Variants in RBM25 observed in about 807,000 individuals in gnomAD.
RBM25 encodes the protein RNA binding motif protein 25, also known as RNA-binding protein 25.
A neutral mutation model predicts 120.7 loss-of-function variants in RBM25; 19 were observed. The observed-to-expected ratio is 0.16, with a 90% CI of 0.11 to 0.23. The LOEUF is 0.23. Among genes scored for constraint, RBM25 ranks in the 10% least tolerant of loss-of-function variants. The probability of loss-of-function intolerance (pLI) is 1.00; values close to 1 mark genes in which losing one functional copy is unlikely to be tolerated. For missense variants in RBM25, 605 were observed against 1,041.5 expected (o/e 0.58, Z 5.77); for synonymous variants, 390 against 326.7 (o/e 1.19, Z -2.09).
intron 1 of RBM25, among the ~76,000 whole-genome samples, chr14:73,070,833 G>A (rs1419760098): frequency 6.6e-6 from 1 of 150,976 alleles, no homozygotes; most frequent in Non-Finnish European, 1.5e-5. Context: ...TGTAATCCCA[G>A]CTACTCAGGA....
At position 73,121,394 on chromosome 14, in the gene RBM25, A is replaced by C. The variant is rs1441078282; in HGVS notation, c.*1589A>C. 2 of 152,628 alleles carry C rather than the reference A, an allele frequency of 1.3e-5. No individual in the cohort carries two copies. Among genetic ancestry groups the C allele is most frequent in the African/African-American group, 2.4e-5 (1 of 41,452 alleles). 9.5% of individuals were successfully genotyped at this position (152,628 alleles called of 1,614,324 possible). ...TTGTGTGGTGCATACTAGAAAAGTT[A>C]AAAATATGGGCTGAACTTTTTATGG... On this transcript the variant is annotated 3_prime_UTR_variant, in exon 19 of 19. Transcript: ENST00000261973.
intron 18 of RBM25, 127 bp from the exon 19 acceptor site, chr14:73,119,586 T>G: frequency 6.7e-7 from 1 of 1,501,084 alleles, no homozygotes; most frequent in East Asian, 2.4e-5. Flanking sequence ...CTTAAAATCT[T>G]AACTAGCATT....
chr14:73,095,120 C>G (rs940426549), intron 6 of RBM25, among the ~76,000 whole-genome samples: 2 of 152,002 alleles, frequency 1.3e-5, no homozygotes, highest in East Asian at 1.9e-4. Context: ...TCCCAAAGCG[C>G]TGGGTTGCAG....
At position 73,107,873 on chromosome 14, in the gene RBM25, T is replaced by C; in HGVS notation, c.1515T>C (p.Asp505=). 1 of 1,602,570 alleles carries C rather than the reference T, an allele frequency of 6.2e-7. No individual in the cohort carries two copies. Among genetic ancestry groups the C allele is most frequent in the Non-Finnish European group, 8.5e-7 (1 of 1,173,552 alleles). Residue 505 remains aspartate (D), a synonymous_variant, in exon 13 of 19, where the codon GAT becomes GAC. Coordinates refer to ENST00000261973, the MANE Select transcript of RBM25 (RefSeq NM_021239.3). The part of the protein sequence containing the change: ...RLKEFLEDYD[D]DRDDPKYYRG... ...AAGAATTCTTAGAAGACTATGATGA[T>C]GATAGAGATGACCCCAAATATTACA...
At chr14:73,069,397 C>G (rs1276334967) in intron 1 of RBM25, among the ~76,000 whole-genome samples, 1 of 152,134 alleles carries the variant, frequency 6.6e-6, no homozygotes, top group African/African-American at 2.4e-5. Context: ...TATGTTTTCT[C>G]TTTTTATGTT....
chr14:73,102,970 A>C, intron 9 of RBM25: 1 of 835,132 alleles, frequency 1.2e-6, no homozygotes, highest in Non-Finnish European at 1.7e-6. Flanking sequence ...CCCAGCATCC[A>C]AGATTGGAGA....
At chr14:73,088,255 A>C in intron 6 of RBM25, 94 bp downstream of exon 6, 1 of 1,467,744 alleles carries the variant, frequency 6.8e-7, no homozygotes, top group African/African-American at 1.4e-5. Flanking sequence ...GGGGCTTCAA[A>C]AGATCATCAT....
chr14:73,119,207 C>G (rs969142658), intron 18 of RBM25, among the ~76,000 whole-genome samples: 6 of 152,176 alleles, frequency 3.9e-5, no homozygotes, highest in African/African-American at 1.4e-4. Context: ...ACTAAATATA[C>G]AACTATGTAA....
At position 73,099,361 on chromosome 14, in the gene RBM25, TTGG is replaced by T. The variant is rs567299768; in HGVS notation, c.730-15_730-13del. 2.1e-4 allele frequency: 336 copies of T among 1,594,754 alleles called. No homozygotes were observed. In the African/African-American group the frequency reaches 3.7e-3, roughly 18 times the overall value. On this transcript the variant is annotated splice_polypyrimidine_tract_variant and intron_variant, in intron 7 of 18. Coordinates refer to ENST00000261973, the MANE Select transcript of RBM25 (RefSeq NM_021239.3). ...TGTTTTTCTTTTTTAAAAAAGATTCTTGGTGGATTTTTTCACAGATTTTCCGCA... is the reference window on the plus strand; with the variant it reads ...TGTTTTTCTTTTTTAAAAAAGATTCTTGGATTTTTTCACAGATTTTCCGCA...
intron 1 of RBM25, among the ~76,000 whole-genome samples, chr14:73,064,618 C>T (rs946354124): frequency 2.6e-5 from 4 of 151,264 alleles, no homozygotes; most frequent in Non-Finnish European, 5.9e-5. Flanking sequence ...TGGCCTCGAA[C>T]TCCTGACCTT....
At chr14:73,117,843 A>G (rs1244915741) in intron 18 of RBM25, among the ~76,000 whole-genome samples, 1 of 152,208 alleles carries the variant, frequency 6.6e-6, no homozygotes, top group Non-Finnish European at 1.5e-5. Flanking sequence ...TGGCAACACT[A>G]GACCACATTT....
intron 1 of RBM25, among the ~76,000 whole-genome samples, chr14:73,063,362 G>A (rs1189530460): frequency 6.7e-6 from 1 of 150,270 alleles, no homozygotes; most frequent in Non-Finnish European, 1.5e-5. Context: ...TGTTAGCCAG[G>A]ATGGTCTCGA....
intron 14 of RBM25, among the ~76,000 whole-genome samples, chr14:73,110,216 T>G (rs1247227901): frequency 6.6e-6 from 1 of 151,306 alleles, no homozygotes; most frequent in Non-Finnish European, 1.5e-5. Context: ...AGAGTCTGGC[T>G]TTGTTGCCCA....
intron 1 of RBM25, among the ~76,000 whole-genome samples, chr14:73,064,265 C>G (rs1350353071): frequency 6.6e-6 from 1 of 151,520 alleles, no homozygotes; most frequent in Non-Finnish European, 1.5e-5. Flanking sequence ...AATTCTCAAT[C>G]AGTTTCACAT....
chr14:73,076,423 G>C, intron 3 of RBM25, 55 bp downstream of exon 3: 1 of 1,449,788 alleles, frequency 6.9e-7, no homozygotes, highest in Non-Finnish European at 9.7e-7. Flanking sequence ...GTGCTTTTAA[G>C]CTGAACAGCA....
chr14:73,098,870 C>T (rs1896004253), intron 7 of RBM25, among the ~76,000 whole-genome samples: 1 of 152,124 alleles, frequency 6.6e-6, no homozygotes, highest in Admixed American at 6.5e-5. Context: ...TCTCGATCTG[C>T]TGACCTCGTG....
At chr14:73,092,765 C>T (rs763724327) in intron 6 of RBM25, among the ~76,000 whole-genome samples, 4 of 151,904 alleles carry the variant, frequency 2.6e-5, no homozygotes, top group Non-Finnish European at 5.9e-5. Context: ...TGGGGTCTCG[C>T]GTTGTTGCCC....
intron 1 of RBM25, 170 bp downstream of exon 1, chr14:73,058,875 C>G (rs982726136): frequency 6.6e-6 from 1 of 152,248 alleles, no homozygotes; most frequent in African/African-American, 2.4e-5. Flanking sequence ...TTCTTCTCTT[C>G]TCTAAGGCCT....
Position 73,119,766 on chromosome 14 carries a change from A to C in RBM25, c.2493A>C (p.Ile831=). The C allele has an allele frequency of 6.2e-7, 1 of 1,610,944 alleles. No individual in the cohort carries two copies. Among genetic ancestry groups the C allele is most frequent in the Non-Finnish European group, 8.5e-7 (1 of 1,179,326 alleles). ...VFIVKMWRLL[I]YETEAKKIGL... The stretch of plus-strand genomic sequence containing the variant: ...TAGTCAAAATGTGGAGATTATTGAT[A>C]TATGAAACAGAAGCCAAGAAAATTG... Residue 831 remains isoleucine, a synonymous_variant, in exon 19 of 19, where the codon ATA becomes ATC. Coordinates refer to ENST00000261973, the MANE Select transcript of RBM25 (RefSeq NM_021239.3).
Sources: allele counts gnomAD v4.1 joint callset (sites outside exome capture counted in the v4.1 genomes callset), GRCh38; gene constraint gnomAD v4.1.1; transcripts MANE v1.5; gene names NCBI Gene and HGNC (gene_info 2026-07-23, HGNC 2026-07-21).